Variants in PPP2R2D observed in about 807,000 individuals in gnomAD.
The protein encoded by PPP2R2D is serine/threonine-protein phosphatase 2A 55 kDa regulatory subunit B delta isoform.
PPP2R2D carries 9 observed loss-of-function variants against 31.1 expected under a neutral mutation model. That is an observed-to-expected ratio of 0.29 (90% confidence interval 0.17 to 0.51). The LOEUF is 0.51. Among genes scored for constraint, PPP2R2D ranks in the 20% least tolerant of loss-of-function variants. The pLI, the probability that PPP2R2D is intolerant of heterozygous loss-of-function variation, is 0.98. For synonymous variants in PPP2R2D, 179 were observed against 172.6 expected (o/e 1.04, Z -0.29); for missense variants, 391 against 465.6 (o/e 0.84, Z 1.48).
downstream of PPP2R2D, among the ~76,000 whole-genome samples, chr10:131,960,464 C>T (rs1048319342): frequency 6.6e-6 from 1 of 152,200 alleles, no homozygotes; most frequent in Admixed American, 6.5e-5. Flanking sequence ...GTTTATGATG[C>T]CCTCGTGGAC....
intron 2 of PPP2R2D, among the ~76,000 whole-genome samples, chr10:131,917,616 G>C (rs1448524462): frequency 7.6e-6 from 1 of 132,194 alleles, no homozygotes; most frequent in Non-Finnish European, 1.6e-5. Context: ...TGGGTGGAAT[G>C]ACACAGTGTA....
the PPP2R2D span, among the ~76,000 whole-genome samples, chr10:131,966,028 T>G: frequency 6.6e-6 from 1 of 152,244 alleles, no homozygotes; most frequent in African/African-American, 2.4e-5. Context: ...TTTAGTTATA[T>G]CCTTGTGCAT....
At chr10:131,916,350 G>A (rs1198845821) in intron 2 of PPP2R2D, among the ~76,000 whole-genome samples, 1 of 149,566 alleles carries the variant, frequency 6.7e-6, no homozygotes, top group Non-Finnish European at 1.5e-5. Flanking sequence ...TTTTTTTGAG[G>A]TCTAGGAATT....
intron 2 of PPP2R2D, among the ~76,000 whole-genome samples, chr10:131,932,823 G>T (rs1290384181): frequency 2.0e-5 from 3 of 152,100 alleles, no homozygotes; most frequent in African/African-American, 7.2e-5. Flanking sequence ...TGGGTTTAGA[G>T]ATTGAGCACT....
At chr10:131,965,071 A>G in the PPP2R2D span, among the ~76,000 whole-genome samples, 66 of 152,158 alleles carry the variant, frequency 4.3e-4, no homozygotes, top group Non-Finnish European at 5.7e-4. Flanking sequence ...ATAATCCTGT[A>G]TTTTGTCCTC....
At chr10:131,924,013 C>T (rs193078531) in intron 2 of PPP2R2D, among the ~76,000 whole-genome samples, 19 of 152,266 alleles carry the variant, frequency 1.2e-4, no homozygotes, top group African/African-American at 4.6e-4. Context: ...GCCACCGTGC[C>T]CGGGCCTTTC....
intron 2 of PPP2R2D, among the ~76,000 whole-genome samples, chr10:131,922,626 A>G (rs7079991): frequency 0.28 from 42,626 of 151,494 alleles, 6,123 homozygotes; most frequent in East Asian, 0.45. Context: ...ATAATTTTTT[A>G]TATTTTTAGT....
chr10:131,936,025 T>C (rs1280104760), intron 3 of PPP2R2D, among the ~76,000 whole-genome samples: 2 of 151,866 alleles, frequency 1.3e-5, no homozygotes, highest in South Asian at 4.2e-4. Flanking sequence ...ATCGTGCCAT[T>C]GCACTCCAGC....
chr10:131,909,405 T>C (rs1017920310), intron 2 of PPP2R2D, among the ~76,000 whole-genome samples: 6 of 145,570 alleles, frequency 4.1e-5, no homozygotes, highest in Admixed American at 6.9e-5. Flanking sequence ...AGAATGGAGA[T>C]AGGAAGTTAC....
chr10:131,935,937 C>G (rs2036331514), intron 3 of PPP2R2D, among the ~76,000 whole-genome samples: 1 of 151,966 alleles, frequency 6.6e-6, no homozygotes, highest in Non-Finnish European at 1.5e-5. Flanking sequence ...GTGGCACATG[C>G]CTGTAATCCC....
intron 2 of PPP2R2D, among the ~76,000 whole-genome samples, chr10:131,914,823 A>G (rs782690327): frequency 4.6e-5 from 7 of 152,176 alleles, no homozygotes; most frequent in Non-Finnish European, 8.8e-5. Flanking sequence ...CTCACTGAAC[A>G]GAGACTTTGG....
At chr10:131,917,710 GAC>G (rs1554893439) in intron 2 of PPP2R2D, among the ~76,000 whole-genome samples, 2 of 125,054 alleles carry the variant, frequency 1.6e-5, no homozygotes, top group African/African-American at 6.2e-5. Flanking sequence ...CGGGTGGAAT[GAC>G]ACAGTGTAGG....
chr10:131,923,909 A>G (rs1286053693), intron 2 of PPP2R2D, among the ~76,000 whole-genome samples: 6 of 152,044 alleles, frequency 3.9e-5, no homozygotes, highest in Admixed American at 2.6e-4. Flanking sequence ...GATACACACC[A>G]CCACAGCCGG....
At chr10:131,907,707 C>T (rs1209576677) in intron 2 of PPP2R2D, among the ~76,000 whole-genome samples, 1 of 150,570 alleles carries the variant, frequency 6.6e-6, no homozygotes, top group Non-Finnish European at 1.5e-5. Context: ...CACGCCACTG[C>T]ACCTCCAGCC....
chr10:131,955,506 G>A (rs1214440848), intron 8 of PPP2R2D, among the ~76,000 whole-genome samples, 178 bp from the exon 9 acceptor site: 13 of 152,064 alleles, frequency 8.5e-5, no homozygotes, highest in Non-Finnish European at 1.8e-4. Context: ...GATAAAGCTC[G>A]GTACACATTT....
rs34392612 is a variant in PPP2R2D at position 131,959,041 on chromosome 10, C to T, written c.*3078C>T. 45 of 90,082 alleles carry T rather than the reference C, an allele frequency of 5.0e-4. No individual in the cohort carries two copies. Among genetic ancestry groups the T allele is most frequent in the Admixed American group, 7.6e-4 (6 of 7,876 alleles). 5.6% of individuals were successfully genotyped at this position (90,082 alleles called of 1,614,324 possible). On this transcript the variant is annotated 3_prime_UTR_variant, in exon 9 of 9. Transcript: ENST00000455566. ...CCCCATCCCCCTGTGGAGATGAAGG[C>T]GTGTGCTCATCCCCCATCCCCCTGT...
At chr10:131,944,662 C>T (rs924952360) in intron 6 of PPP2R2D, among the ~76,000 whole-genome samples, 1 of 152,126 alleles carries the variant, frequency 6.6e-6, no homozygotes, top group Non-Finnish European at 1.5e-5. Flanking sequence ...CTCCAGGGTC[C>T]CTGCCGTCCT....
chr10:131,921,390 C>T (rs1260646123), intron 2 of PPP2R2D, among the ~76,000 whole-genome samples: 2 of 152,124 alleles, frequency 1.3e-5, no homozygotes, highest in Admixed American at 6.5e-5. Flanking sequence ...GTTAAGAGTT[C>T]ATCCGTTGCC....
intron 2 of PPP2R2D, among the ~76,000 whole-genome samples, chr10:131,931,024 G>GGGTGTCCTGGCTGAGACCAGCCCA (rs2036213016): frequency 6.6e-6 from 1 of 152,216 alleles, no homozygotes; most frequent in Non-Finnish European, 1.5e-5. Flanking sequence ...GGGCCCCACT[G>GGGTGTCCTGGCTGAGACCAGCCCA]GGTGTCCTGG....
Sources: allele counts gnomAD v4.1 joint callset (sites outside exome capture counted in the v4.1 genomes callset), GRCh38; gene constraint gnomAD v4.1.1; transcripts MANE v1.5; gene names NCBI Gene and HGNC (gene_info 2026-07-23, HGNC 2026-07-21).